Variants in GPR183 observed in about 807,000 individuals in gnomAD.
GPR183 encodes the protein G protein-coupled receptor 183.
GPR183 carries 9 observed loss-of-function variants against 19.7 expected under a neutral mutation model. That is an observed-to-expected ratio of 0.46 (90% CI 0.28 to 0.80). The LOEUF (loss-of-function observed/expected upper bound fraction) is 0.80, where lower values mean the gene tolerates loss of function less well. Ranked by LOEUF, GPR183 falls within the 30% of genes least tolerant of loss-of-function variation. The pLI is 0.13. For synonymous variants in GPR183, 160 were observed against 155.1 expected (o/e 1.03, Z -0.24); for missense variants, 368 against 446.7 (o/e 0.82, Z 1.59).
intron 1 of GPR183, among the ~76,000 whole-genome samples, chr13:99,299,622 T>A (rs1035584632): frequency 3.9e-5 from 6 of 152,122 alleles, no homozygotes; most frequent in Non-Finnish European, 5.9e-5. Context: ...GTAAAAAAAA[T>A]TTTAATGGGA....
chr13:99,304,369 G>A (rs1430280023), intron 1 of GPR183, among the ~76,000 whole-genome samples: 2 of 152,116 alleles, frequency 1.3e-5, no homozygotes, highest in African/African-American at 2.4e-5. Context: ...GAAAGGCAGT[G>A]TGGGTGTATT....
Position 99,296,128 on chromosome 13 carries a change from T to A in GPR183, c.18A>T (p.Ala6=). 2 of 1,601,130 alleles carry A rather than the reference T, an allele frequency of 1.2e-6. No homozygotes were observed. Among genetic ancestry groups the A allele is most frequent in the Non-Finnish European group, 1.7e-6 (2 of 1,172,302 alleles). The change falls in exon 2 of 2, where the codon GCA becomes GCT. Residue 6 remains alanine (A), a synonymous_variant. Coordinates refer to ENST00000376414, the MANE Select transcript of GPR183 (RefSeq NM_004951.5). ...TTGCAGAGGGCGGAGTAAAATTGTT[T>A]GCCATTTGTATATCCATTGGTGGTG... MDIQM[A]NNFTPPSATP...
Position 99,295,991 on chromosome 13 carries a change from G to A in GPR183, c.155C>T (p.Ala52Val), listed in dbSNP as rs1174575037. The A allele has an allele frequency of 1.2e-6, 2 of 1,614,084 alleles. No homozygotes were observed. Among genetic ancestry groups the A allele is most frequent in the East Asian group, 4.5e-5 (2 of 44,884 alleles). Residue 52 changes from alanine to valine, a missense_variant, in exon 2 of 2, where the codon GCC (alanine) becomes GTC (valine). By Grantham distance (64) the Ala-to-Val change is moderately conservative. Transcript: ENST00000376414. This position sits in a 1 kb window ranked among gnomAD's most constrained non-coding sequence, Gnocchi z 4.1. Reference sequence around the variant, plus strand: ...CCTGTTTTGAACAATGACGACCAAGGCTAGTAAGTTTCCCACGAGCCCAAT... The same window carrying A: ...CCTGTTTTGAACAATGACGACCAAGACTAGTAAGTTTCCCACGAGCCCAAT... The part of the protein sequence containing the change: ...FIIGLVGNLL[A>V]LVVIVQNRKK...
At chr13:99,299,671 ATCTGACATGCTTT>A (rs2044228788) in intron 1 of GPR183, among the ~76,000 whole-genome samples, 2 of 152,144 alleles carry the variant, frequency 1.3e-5, no homozygotes, top group Admixed American at 1.3e-4. Flanking sequence ...AAACCTTGTT[ATCTGACATGCTTT>A]TCAAAGCTTG....
intron 1 of GPR183, among the ~76,000 whole-genome samples, chr13:99,297,687 A>T (rs1432647900): frequency 6.6e-6 from 1 of 152,132 alleles, no homozygotes; most frequent in Non-Finnish European, 1.5e-5. Flanking sequence ...GAAAAGAGAC[A>T]ATGGGAAAAA....
rs774582362 is a variant in GPR183 at position 99,295,390 on chromosome 13, C to T, written c.756G>A (p.Val252=). 6.4e-5 allele frequency: 103 copies of T among 1,613,892 alleles called. No individual in the cohort carries two copies. Among genetic ancestry groups the T allele is most frequent in the Non-Finnish European group, 2.3e-5 (27 of 1,179,980 alleles). Residue 252 remains valine (V), a synonymous_variant, in exon 2 of 2, where the codon GTG becomes GTA. Coordinates refer to ENST00000376414, the MANE Select transcript of GPR183 (RefSeq NM_004951.5). The surrounding 1 kb of genome is among the most constrained non-coding windows in gnomAD (Gnocchi z 4.1). The part of the protein sequence containing the change: ...ALNTIILIIV[V]FVLCFTPYHV... ...GGTAAGGTGTGAAACAGAGAACAAACACAACAATAATAAGAATAATTGTGT... is the reference window on the plus strand; with the variant it reads ...GGTAAGGTGTGAAACAGAGAACAAATACAACAATAATAAGAATAATTGTGT...
chr13:99,295,366 G>T lies in GPR183; in HGVS notation c.780C>A (p.Tyr260Ter). The T allele has an allele frequency of 6.2e-7, 1 of 1,613,864 alleles. No homozygotes were observed. The change falls in exon 2 of 2, where the codon TAC (tyrosine) becomes TAA (stop). Residue 260 changes from tyrosine to a stop codon, truncating the protein, a stop_gained. Transcript: ENST00000376414. LOFTEE classifies it high-confidence loss of function. This position sits in a 1 kb window ranked among gnomAD's most constrained non-coding sequence, Gnocchi z 4.1. ...TCATATGTTGAATAATTGCAACATG[G>T]TAAGGTGTGAAACAGAGAACAAACA... Reference protein sequence around the residue: ...IVVFVLCFTPYHVAIIQHMIK... With the variant: ...IVVFVLCFTP
At position 99,294,752 on chromosome 13, in the gene GPR183, A is replaced by G. The variant is rs2138715465; in HGVS notation, c.*308T>C. ...AGTCCTTTCTAGCCATTTGTTGGCA[A>G]GAAATAATAATTAAATTTTTTATTA... On this transcript the variant is annotated 3_prime_UTR_variant, in exon 2 of 2. Coordinates refer to ENST00000376414, the MANE Select transcript of GPR183 (RefSeq NM_004951.5). The G allele has an allele frequency of 4.7e-6, 1 of 211,474 alleles. No homozygotes were observed. The highest frequency in any genetic ancestry group is 1.2e-4 in the East Asian group (1 of 8,500). 13.1% of individuals were successfully genotyped at this position (211,474 alleles called of 1,614,324 possible).
intron 1 of GPR183, among the ~76,000 whole-genome samples, chr13:99,296,802 A>T (rs2044181501): frequency 6.6e-6 from 1 of 152,212 alleles, no homozygotes; most frequent in African/African-American, 2.4e-5. Flanking sequence ...AAAATGACAA[A>T]AAAAGAAGAA....
At position 99,295,509 on chromosome 13, in the gene GPR183, G is replaced by A; in HGVS notation, c.637C>T (p.Leu213Phe). 2 of 1,613,944 alleles carry A rather than the reference G, an allele frequency of 1.2e-6. No individual in the cohort carries two copies. The highest frequency in any genetic ancestry group is 2.2e-5 in the South Asian group (2 of 91,064). Residue 213 changes from leucine (L) to phenylalanine (F), a missense_variant, in exon 2 of 2, where the codon CTC (leucine) becomes TTC (phenylalanine). Leu to Phe is a conservative substitution (Grantham distance 22). Transcript: ENST00000376414. This position sits in a 1 kb window ranked among gnomAD's most constrained non-coding sequence, Gnocchi z 4.1. ...IGYVLPLIII[L>F]ICYSQICCKL... ...CAGCAGATCTGAGAATAGCAGATGAGAATGATTATAAGTGGAAGTACATAT... is the reference window on the plus strand; with the variant it reads ...CAGCAGATCTGAGAATAGCAGATGAAAATGATTATAAGTGGAAGTACATAT...
chr13:99,302,195 A>G, intron 1 of GPR183, among the ~76,000 whole-genome samples: 1 of 152,220 alleles, frequency 6.6e-6, no homozygotes, highest in East Asian at 1.9e-4. Context: ...GATACTAATT[A>G]TATGTGTATA....
chr13:99,306,217 A>G lies in GPR183; in HGVS notation c.-19+1123T>C, dbSNP rs544185739. Among the ~76,000 whole-genome samples the G allele has an allele frequency of 2.6e-5, 4 of 152,262 alleles. No homozygotes were observed. The South Asian group carries it at 8.3e-4, about 32-fold the overall frequency. Reference sequence around the variant, plus strand: ...AGCCTGATTCAGGGTCTTTATGTAAAATATCCATAACATATCTGTTGGATT... The same window carrying G: ...AGCCTGATTCAGGGTCTTTATGTAAGATATCCATAACATATCTGTTGGATT... On this transcript the variant is annotated intron_variant, in intron 1 of 1. Coordinates refer to ENST00000376414, the MANE Select transcript of GPR183 (RefSeq NM_004951.5).
intron 1 of GPR183, among the ~76,000 whole-genome samples, chr13:99,304,488 G>A (rs2044302208): frequency 1.3e-5 from 2 of 152,136 alleles, no homozygotes; most frequent in Non-Finnish European, 2.9e-5. Flanking sequence ...TTAATTTCTT[G>A]TATCTCTAGG....
At chr13:99,302,983 T>C (rs150223201) in intron 1 of GPR183, among the ~76,000 whole-genome samples, 1 of 144,276 alleles carries the variant, frequency 6.9e-6, no homozygotes, top group Non-Finnish European at 1.5e-5. Flanking sequence ...TAGAGTTGAC[T>C]GTGGTCCGTC....
chr13:99,299,592 T>A (rs2044227627), intron 1 of GPR183, among the ~76,000 whole-genome samples: 1 of 152,180 alleles, frequency 6.6e-6, no homozygotes, highest in Non-Finnish European at 1.5e-5. Context: ...TTCTAGTCAG[T>A]GACTGGAATG....
At position 99,295,104 on chromosome 13, in the gene GPR183, C is replaced by A; in HGVS notation, c.1042G>T (p.Glu348Ter). ...TTGGAATGTATCATCATCTGCGTTT[C>A]TGTCATTTCACGTGAATTTTCTTCA... ...APEENSREMTETQMMIHSKSS... is the reference protein window; with the variant it reads ...APEENSREMT Residue 348 changes from glutamate to a stop codon, truncating the protein, a stop_gained, in exon 2 of 2, where the codon GAA (glutamate) becomes TAA (stop). Transcript: ENST00000376414. LOFTEE classifies it high-confidence loss of function. This position sits in a 1 kb window ranked among gnomAD's most constrained non-coding sequence, Gnocchi z 4.1. The A allele has an allele frequency of 1.2e-6, 2 of 1,614,072 alleles. No homozygotes were observed. Among genetic ancestry groups the A allele is most frequent in the Non-Finnish European group, 1.7e-6 (2 of 1,179,978 alleles).
intron 1 of GPR183, among the ~76,000 whole-genome samples, chr13:99,302,782 G>A (rs2044275632): frequency 6.6e-6 from 1 of 152,150 alleles, no homozygotes; most frequent in African/African-American, 2.4e-5. Flanking sequence ...AAGTCAAATT[G>A]TCCATTCTAT....
chr13:99,300,809 C>T (rs1427491539), intron 1 of GPR183, among the ~76,000 whole-genome samples: 1 of 152,162 alleles, frequency 6.6e-6, no homozygotes, highest in African/African-American at 2.4e-5. Flanking sequence ...CTGGGTTCCT[C>T]CTCATACACA....
chr13:99,296,186 C>A, intron 1 of GPR183, 23 bp from the exon 2 acceptor site: 1 of 1,521,486 alleles, frequency 6.6e-7, no homozygotes, highest in South Asian at 1.3e-5. Context: ...CAAGAAGGAT[C>A]ATATAAGTAA....
Sources: gnomAD v4.1 joint callset for allele counts (sites outside exome capture counted in the v4.1 genomes callset) on GRCh38, gnomAD v4.1.1 for gene constraint, Gnocchi (gnomAD v3.1) non-coding constraint, MANE v1.5 for transcripts, NCBI Gene and HGNC (gene_info 2026-07-23, HGNC 2026-07-21) for gene names.